RPL7: variants seen among roughly 807,000 people sequenced by gnomAD.
RPL7 encodes the protein large ribosomal subunit protein uL30.
For synonymous variants in RPL7, 100 were observed against 102.2 expected (o/e 0.98, Z 0.13); for missense variants, 205 against 301.9 (o/e 0.68, Z 2.38).
In RPL7 at chr8:73,291,715, T is replaced by C; in HGVS notation, c.429-54A>G. On this transcript the variant is annotated intron_variant, in intron 4 of 6. Coordinates refer to ENST00000352983, the MANE Select transcript of RPL7 (RefSeq NM_000971.4). ...GTGACCACTGTTAAAACATCTAAAATTCATGTTGCTACATAACCAATTTAT... is the reference window on the plus strand; with the variant it reads ...GTGACCACTGTTAAAACATCTAAAACTCATGTTGCTACATAACCAATTTAT... The C allele has an allele frequency of 2.5e-6, 4 of 1,591,098 alleles. No homozygotes were observed. In the Admixed American group the frequency reaches 6.8e-5, roughly 27 times the overall value.
chr8:73,290,903 A>T, intron 6 of RPL7, 140 bp downstream of exon 6: 1 of 669,860 alleles, frequency 1.5e-6, no homozygotes, highest in Non-Finnish European at 2.6e-6. Flanking sequence ...TGTAATCATT[A>T]AGATAGTTGA....
At chr8:73,293,019 A>T (rs1814142365) in intron 1 of RPL7, 1 of 408,044 alleles carries the variant, frequency 2.5e-6, no homozygotes, top group African/African-American at 2.1e-5. Context: ...ATATGACAAT[A>T]GCAATACGTT....
At chr8:73,292,193 T>TC in intron 3 of RPL7, 46 bp downstream of exon 3, 1 of 1,540,438 alleles carries the variant, frequency 6.5e-7, no homozygotes, top group Non-Finnish European at 8.8e-7. Flanking sequence ...TGAAGGTTTT[T>TC]TTTTTTTTTC....
At chr8:73,293,255 G>A (rs1326395433) in intron 1 of RPL7, 6 of 276,432 alleles carry the variant, frequency 2.2e-5, no homozygotes, top group Middle Eastern at 2.2e-3. Flanking sequence ...AAGGCCTGGC[G>A]GCAGGGAGGC....
At chr8:73,293,452 G>T in intron 1 of RPL7, 147 bp downstream of exon 1, 1 of 971,402 alleles carries the variant, frequency 1.0e-6, no homozygotes, top group South Asian at 1.4e-5. Context: ...CCTAGCCTCA[G>T]GTCCCCACTG....
intron 4 of RPL7, 52 bp from the exon 5 acceptor site, chr8:73,291,713 A>C (rs777814311): frequency 6.3e-7 from 1 of 1,590,978 alleles, no homozygotes; most frequent in Non-Finnish European, 8.6e-7. Context: ...AAACATCTAA[A>C]ATTCATGTTG....
intron 6 of RPL7, 144 bp downstream of exon 6, chr8:73,290,899 C>T (rs1814080568): frequency 1.5e-6 from 1 of 664,856 alleles, no homozygotes; most frequent in Non-Finnish European, 2.6e-6. Context: ...CAACTGTAAT[C>T]ATTAAGATAG....
chr8:73,292,827 T>G, intron 1 of RPL7, 30 bp from the exon 2 acceptor site: 1 of 1,524,574 alleles, frequency 6.6e-7, no homozygotes, highest in Non-Finnish European at 9.0e-7. Context: ...ATGTTATCAA[T>G]AGCTCAAAAA....
intron 3 of RPL7, 140 bp from the exon 4 acceptor site, chr8:73,292,050 T>C (rs1814109664): frequency 7.9e-7 from 1 of 1,268,772 alleles, no homozygotes; most frequent in East Asian, 2.4e-5. Flanking sequence ...CTGTATTCTA[T>C]TAAGAGAAGG....
At chr8:73,294,002 G>C (rs776717552), upstream of RPL7, 27 of 182,862 alleles carry the variant, frequency 1.5e-4, no homozygotes, top group Non-Finnish European at 2.9e-4. Flanking sequence ...CCGCCCGGCG[G>C]GAGGGCAACG....
chr8:73,293,143 G>A (rs1013005348), intron 1 of RPL7: 4 of 260,560 alleles, frequency 1.5e-5, no homozygotes, highest in Non-Finnish European at 2.9e-5. Context: ...CTACTGCAAG[G>A]CACTGACCCC....
chr8:73,293,928 A>G, upstream of RPL7: 2 of 342,468 alleles, frequency 5.8e-6, no homozygotes, highest in Non-Finnish European at 1.1e-5. Context: ...GTTCCTCCCC[A>G]TAATGTTCCC....
intron 1 of RPL7, 30 bp from the exon 2 acceptor site, chr8:73,292,827 T>C (rs767014105): frequency 7.9e-6 from 12 of 1,524,570 alleles, no homozygotes; most frequent in Admixed American, 1.8e-5. Context: ...ATGTTATCAA[T>C]AGCTCAAAAA....
intron 3 of RPL7, 52 bp downstream of exon 3, chr8:73,292,187 G>GT (rs1814114201): frequency 1.5e-6 from 2 of 1,291,434 alleles, no homozygotes; most frequent in African/African-American, 3.5e-5. Flanking sequence ...GTAATGTGAA[G>GT]GTTTTTTTTT....
At chr8:73,293,429 C>G in intron 1 of RPL7, 170 bp downstream of exon 1, 1 of 779,420 alleles carries the variant, frequency 1.3e-6, no homozygotes, top group Non-Finnish European at 2.1e-6. Flanking sequence ...CCTAAGACCG[C>G]CCGCATCCCA....
intron 3 of RPL7, 25 bp from the exon 4 acceptor site, chr8:73,291,935 G>C (rs771011209): frequency 1.2e-6 from 2 of 1,601,454 alleles, no homozygotes; most frequent in Non-Finnish European, 8.6e-7. Context: ...GACCAGAAAT[G>C]CATTTGCCTT....
rs1360720009 is a variant in RPL7 at position 73,291,212 on chromosome 8, C to T, written c.579G>A (p.Glu193=). The T allele has an allele frequency of 1.9e-6, 3 of 1,610,836 alleles. No individual in the cohort carries two copies. Among genetic ancestry groups the T allele is most frequent in the South Asian group, 2.2e-5 (2 of 90,788 alleles). ...GIICMEDLIH[E]IYTVGKRFKE... ...TGAAGCGTTTTCCAACAGTATAGAT[C>T]TCATGAATCAAATCCTCCATGCAGA... is the stretch of plus-strand genomic sequence containing the variant. The change falls in exon 6 of 7, where the codon GAG becomes GAA. Residue 193 remains glutamate, a synonymous_variant. Transcript: ENST00000352983.
intron 6 of RPL7, 24 bp from the exon 7 acceptor site, chr8:73,290,729 T>G (rs906799919): frequency 3.3e-5 from 8 of 241,640 alleles, no homozygotes; most frequent in Non-Finnish European, 6.4e-5. Flanking sequence ...AGAAAACCAT[T>G]AGAAAACACT....
rs760478461 is a variant in RPL7 at position 73,292,241 on chromosome 8, T to G, written c.288A>C (p.Arg96Ser). Residue 96 changes from arginine to serine, a missense_variant and splice_region_variant, in exon 3 of 7, where the codon AGA becomes AGC. By Grantham distance (110) the Arg-to-Ser change is moderately radical. Coordinates refer to ENST00000352983, the MANE Select transcript of RPL7 (RefSeq NM_000971.4). ...GAATGCAGTAAAACTGAACTTACCC[T>G]CTGATTCTGATGACAAACGCCAATT... ...EPKLAFVIRI[R>S]GINGVSPKVR... The G allele has an allele frequency of 6.2e-7, 1 of 1,610,566 alleles. No individual in the cohort carries two copies. Among genetic ancestry groups the G allele is most frequent in the Non-Finnish European group, 8.5e-7 (1 of 1,178,116 alleles).
Sources: allele counts gnomAD v4.1 joint callset, GRCh38; gene constraint gnomAD v4.1.1; transcripts MANE v1.5; gene names NCBI Gene and HGNC (gene_info 2026-07-23, HGNC 2026-07-21).